Variants in PJA2 observed in about 807,000 individuals in gnomAD.
PJA2 encodes the protein praja ring finger ubiquitin ligase 2, also known as E3 ubiquitin-protein ligase Praja-2.
In PJA2, 25 loss-of-function variants were observed where a neutral mutation model predicts 69.3. The observed-to-expected ratio is 0.36, with a 90% CI of 0.26 to 0.50. PJA2 has a LOEUF of 0.50. Ranked by LOEUF, PJA2 falls within the 20% of genes least tolerant of loss-of-function variation. PJA2 has a pLI of 0.96. For synonymous variants in PJA2, 308 were observed against 277.8 expected, an observed-to-expected ratio of 1.11 and a Z score of -1.08; for missense variants, 809 against 830.2, an observed-to-expected ratio of 0.97 and a Z score of 0.31.
intron 3 of PJA2, among the ~76,000 whole-genome samples, chr5:109,380,013 G>A (rs1227782108): frequency 6.7e-6 from 1 of 150,158 alleles, no homozygotes; most frequent in Non-Finnish European, 1.5e-5. Flanking sequence ...AAAAATTCAT[G>A]AATTGTAAAA....
chr5:109,340,450 A>T (rs1762021755), intron 9 of PJA2, among the ~76,000 whole-genome samples: 1 of 151,952 alleles, frequency 6.6e-6, no homozygotes, highest in Admixed American at 6.6e-5. Context: ...GTTTATAGGG[A>T]AGAAAGGGAG....
intron 3 of PJA2, among the ~76,000 whole-genome samples, chr5:109,379,977 TGAA>T: frequency 7.0e-6 from 1 of 142,438 alleles, no homozygotes; most frequent in Non-Finnish European, 1.6e-5. Flanking sequence ...ATAAAAAAAA[TGAA>T]GACATTTGAG....
chr5:109,335,478 T>A lies in PJA2; in HGVS notation c.*1753A>T, dbSNP rs1441952133. On this transcript the variant is annotated 3_prime_UTR_variant, in exon 10 of 10. Transcript: ENST00000361189. ...AGAAAACCAAGGTCCCTTAATATAG[T>A]CTAAATATAATGTGTGGCTTATTAT... The A allele has an allele frequency of 1.3e-5, 2 of 152,400 alleles. No homozygotes were observed. Among genetic ancestry groups the A allele is most frequent in the East Asian group, 3.8e-4 (2 of 5,206 alleles). 9.4% of individuals were successfully genotyped at this position (152,400 alleles called of 1,614,324 possible).
intron 4 of PJA2, among the ~76,000 whole-genome samples, chr5:109,374,489 C>T (rs78786820): frequency 0.02 from 2,967 of 150,936 alleles, 89 homozygotes; most frequent in African/African-American, 0.067. Context: ...ATAATAAATA[C>T]GTATATTTTG....
At chr5:109,350,074 T>A (rs1762225039) in intron 7 of PJA2, among the ~76,000 whole-genome samples, 1 of 152,204 alleles carries the variant, frequency 6.6e-6, no homozygotes, top group African/African-American at 2.4e-5. Flanking sequence ...CCAGGCTAAT[T>A]ATGCTTTGAT....
chr5:109,375,615 T>C (rs1031949536), intron 4 of PJA2, among the ~76,000 whole-genome samples: 1 of 152,218 alleles, frequency 6.6e-6, no homozygotes, highest in African/African-American at 2.4e-5. Context: ...AAAAAACTTT[T>C]CAAGTATATC....
At position 109,345,768 on chromosome 5, in the gene PJA2, G is replaced by A. The variant is rs751124031; in HGVS notation, c.1765-949C>T. On this transcript the variant is annotated intron_variant, in intron 7 of 9. Transcript: ENST00000361189. Reference sequence around the variant, plus strand: ...CATCTACTACTGGCATGGATTTGGCGCACCCACATTACCAGCTCACAAGTA... The same window carrying A: ...CATCTACTACTGGCATGGATTTGGCACACCCACATTACCAGCTCACAAGTA... Among the ~76,000 whole-genome samples the A allele has an allele frequency of 4.1e-4, 63 of 152,246 alleles. No homozygotes were observed. The South Asian group carries it at 4.6e-3, about 11-fold the overall frequency.
chr5:109,398,853 T>C (rs973520229), intron 1 of PJA2, among the ~76,000 whole-genome samples: 2 of 152,180 alleles, frequency 1.3e-5, no homozygotes, highest in South Asian at 2.1e-4. Context: ...CAGGCTCCTA[T>C]ACCAGTACAC....
At chr5:109,372,272 G>C (rs950229831) in intron 4 of PJA2, among the ~76,000 whole-genome samples, 2 of 152,150 alleles carry the variant, frequency 1.3e-5, no homozygotes, top group Non-Finnish European at 2.9e-5. Flanking sequence ...TCTGATCCCA[G>C]TACTTTCTTG....
At chr5:109,368,777 A>C in intron 4 of PJA2, 31 bp from the exon 5 acceptor site, 1 of 1,583,478 alleles carries the variant, frequency 6.3e-7, no homozygotes, top group Non-Finnish European at 8.6e-7. Context: ...AAACTATCAT[A>C]ATGTGTTCAG....
At chr5:109,342,695 G>GT (rs1356208599) in intron 9 of PJA2, among the ~76,000 whole-genome samples, 1 of 136,840 alleles carries the variant, frequency 7.3e-6, no homozygotes, top group Non-Finnish European at 1.6e-5. Context: ...CGTCCGGGAG[G>GT]GAGGTGGGGG....
chr5:109,373,935 C>G (rs1762717723), intron 4 of PJA2, among the ~76,000 whole-genome samples: 1 of 152,158 alleles, frequency 6.6e-6, no homozygotes, highest in Non-Finnish European at 1.5e-5. Context: ...CATAATTCCC[C>G]AAGGTACTTG....
In PJA2 at chr5:109,356,066, T is replaced by G. The variant is rs369244814; in HGVS notation, c.1653-40A>C. 11 of 1,359,862 alleles carry G rather than the reference T, an allele frequency of 8.1e-6. No individual in the cohort carries two copies. The African/African-American group carries it at 1.6e-4, about 20-fold the overall frequency. The allele number at this position is 1,359,862 out of a possible 1,614,324, so 84.2% of individuals were successfully genotyped here. On this transcript the variant is annotated intron_variant, in intron 6 of 9. Transcript: ENST00000361189. ...AAATAACAGAAAAAACTCACCACTATGATTTGGGAAATCTTATGCTGAGGA... is the reference window on the plus strand; with the variant it reads ...AAATAACAGAAAAAACTCACCACTAGGATTTGGGAAATCTTATGCTGAGGA...
intron 9 of PJA2, among the ~76,000 whole-genome samples, chr5:109,338,452 C>A (rs1761984207): frequency 6.6e-6 from 1 of 151,990 alleles, no homozygotes; most frequent in Non-Finnish European, 1.5e-5. Context: ...CCAGCCTGGG[C>A]AACATGGTGA....
chr5:109,363,815 T>C (rs1452589130), intron 5 of PJA2, among the ~76,000 whole-genome samples: 1 of 151,024 alleles, frequency 6.6e-6, no homozygotes, highest in African/African-American at 2.4e-5. Flanking sequence ...ATCAAGAAAA[T>C]AAGGAGGAGA....
rs1362444595 is a variant in PJA2 at position 109,378,206 on chromosome 5, A to G, written c.1281T>C (p.Asp427=). ...DYYQLYDKDE[D]SSECSDGEWS... is the part of the protein sequence containing the mutation. ...AAAAGTACTGGATGTGACCTTACCT[A>G]TCTTCATCTTTGTCATAGAGTTGGT... The change falls in exon 4 of 10, where the codon GAT becomes GAC. Residue 427 remains aspartate, a splice_region_variant and synonymous_variant. Transcript: ENST00000361189. 1.2e-6 allele frequency: 2 copies of G among 1,607,280 alleles called. No homozygotes were observed. Among genetic ancestry groups the G allele is most frequent in the Non-Finnish European group, 1.7e-6 (2 of 1,175,806 alleles).
intron 6 of PJA2, among the ~76,000 whole-genome samples, chr5:109,362,415 T>TAC (rs142589701): frequency 0.79 from 119,630 of 151,940 alleles, 47,957 homozygotes; most frequent in African/African-American, 0.92. Flanking sequence ...ATATTTTACA[T>TAC]AGAGAAGGAA....
intron 9 of PJA2, among the ~76,000 whole-genome samples, chr5:109,338,461 G>A (rs1761984340): frequency 6.6e-6 from 1 of 151,998 alleles, no homozygotes; most frequent in Admixed American, 6.6e-5. Context: ...GCAACATGGT[G>A]AAACCCCGTC....
chr5:109,369,413 G>A (rs1762638261), intron 4 of PJA2, among the ~76,000 whole-genome samples: 1 of 152,104 alleles, frequency 6.6e-6, no homozygotes, highest in Admixed American at 6.5e-5. Flanking sequence ...TACATCCATG[G>A]TACCTAGATA....
Sources: allele counts gnomAD v4.1 joint callset (sites outside exome capture counted in the v4.1 genomes callset), GRCh38; gene constraint gnomAD v4.1.1; transcripts MANE v1.5; gene names NCBI Gene and HGNC (gene_info 2026-07-23, HGNC 2026-07-21).